The following SCARB1 variants were observed in gnomAD, a reference collection of about 807,000 sequenced individuals.
SCARB1 encodes the protein CD36 and LIMPII analogous 1.
A neutral mutation model predicts 57.2 loss-of-function variants in SCARB1; 30 were observed. The observed-to-expected ratio is 0.52, with a 90% CI of 0.39 to 0.71. The LOEUF (loss-of-function observed/expected upper bound fraction) is 0.71, where lower values mean the gene tolerates loss of function less well. Ranked by LOEUF, SCARB1 falls within the 30% of genes least tolerant of loss-of-function variation. The pLI, the probability that SCARB1 is intolerant of heterozygous loss-of-function variation, is 0.00. For missense variants in SCARB1, 543 were observed against 671.2 expected, an observed-to-expected ratio of 0.81 and a Z score of 2.11; for synonymous variants, 249 against 268.3, an observed-to-expected ratio of 0.93 and a Z score of 0.70.
At position 124,785,724 on chromosome 12, in the gene SCARB1, T is replaced by C. The variant is rs530728826; in HGVS notation, c.1401+633A>G. 71 of 271,758 alleles carry C rather than the reference T, an allele frequency of 2.6e-4. 1 individual carries two copies. Among genetic ancestry groups the C allele is most frequent in the Admixed American group, 2.6e-3 (53 of 20,348 alleles). 16.8% of individuals were successfully genotyped at this position (271,758 alleles called of 1,614,324 possible). ...GCAAAAATATTGATGCCGTTTATAC[T>C]GATTACATGTTGAAGTGATAATACT... On this transcript the variant is annotated intron_variant, in intron 11 of 12. Transcript: ENST00000261693.
chr12:124,835,262 A>AT (rs35607122), intron 1 of SCARB1, among the ~76,000 whole-genome samples: 7,119 of 148,290 alleles, frequency 0.048, 565 homozygotes, highest in African/African-American at 0.16. Flanking sequence ...GTATGTTTGA[A>AT]TTTTTTTTTT....
At chr12:124,858,478 G>C (rs939011327) in intron 1 of SCARB1, among the ~76,000 whole-genome samples, 1 of 152,086 alleles carries the variant, frequency 6.6e-6, no homozygotes, top group African/African-American at 2.4e-5. Context: ...AAGCAACCTC[G>C]ACCACAGGGC....
At chr12:124,821,998 T>C (rs568144097) in intron 1 of SCARB1, among the ~76,000 whole-genome samples, 4 of 152,178 alleles carry the variant, frequency 2.6e-5, no homozygotes, top group African/African-American at 9.6e-5. Flanking sequence ...AGAGTTGGGA[T>C]AGAATGCCAA....
chr12:124,840,671 C>G (rs1286690619), intron 1 of SCARB1, among the ~76,000 whole-genome samples: 2 of 152,166 alleles, frequency 1.3e-5, no homozygotes, highest in African/African-American at 4.8e-5. Flanking sequence ...CCTTGAGGAA[C>G]CACCCTTGAT....
Position 124,810,403 on chromosome 12 carries a change from A to C in SCARB1, c.727-114T>G, listed in dbSNP as rs1950480068. ...GTGCACGCACGGCCACTCAATTCCC[A>C]ATACTGGCACGGTGGGAAGAGGGCA... is the stretch of plus-strand genomic sequence containing the variant. On this transcript the variant is annotated intron_variant, in intron 5 of 12. Transcript: ENST00000261693. The surrounding 1 kb of genome is among the most constrained non-coding windows in gnomAD (Gnocchi z 4.0). 9.4e-6 allele frequency: 7 copies of C among 744,908 alleles called. No homozygotes were observed. Among genetic ancestry groups the C allele is most frequent in the South Asian group, 7.3e-5 (5 of 68,552 alleles). 46.1% of individuals were successfully genotyped at this position (744,908 alleles called of 1,614,324 possible).
chr12:124,835,319 TG>T (rs1248699775), intron 1 of SCARB1, among the ~76,000 whole-genome samples: 2 of 152,090 alleles, frequency 1.3e-5, no homozygotes, highest in East Asian at 3.9e-4. Flanking sequence ...AGTGCACTGG[TG>T]CAGTCCGAGC....
At chr12:124,852,984 A>G (rs558198478) in intron 1 of SCARB1, among the ~76,000 whole-genome samples, 2 of 152,180 alleles carry the variant, frequency 1.3e-5, no homozygotes, top group African/African-American at 4.8e-5. Flanking sequence ...GGTTGCAGTG[A>G]GCCGAGATGG....
Position 124,812,454 on chromosome 12 carries a change from C to T in SCARB1, c.631-489G>A, listed in dbSNP as rs114942262. ...GATCCCCAAGTGACCACCACAAGCG[C>T]GGGTGCCCCAGTCACCCACACTGGA... On this transcript the variant is annotated intron_variant, in intron 4 of 12. Coordinates refer to ENST00000261693, the MANE Select transcript of SCARB1 (RefSeq NM_005505.5). The surrounding 1 kb of genome is among the most constrained non-coding windows in gnomAD (Gnocchi z 4.3). 4.0e-3 allele frequency among the ~76,000 whole-genome samples: 613 copies of T among 152,316 alleles called. 4 individuals are homozygous for T. Among genetic ancestry groups the T allele is most frequent in the African/African-American group, 0.014 (583 of 41,554 alleles).
intron 1 of SCARB1, among the ~76,000 whole-genome samples, chr12:124,846,069 A>G (rs1046062691): frequency 6.6e-6 from 1 of 152,210 alleles, no homozygotes; most frequent in African/African-American, 2.4e-5. Context: ...CTGTAGAGAC[A>G]GAAAGAAAAT....
rs901615227 is a variant in SCARB1 at position 124,810,602 on chromosome 12, C to T, written c.727-313G>A. On this transcript the variant is annotated intron_variant, in intron 5 of 12. Transcript: ENST00000261693. This position sits in a 1 kb window ranked among gnomAD's most constrained non-coding sequence, Gnocchi z 4.0. ...TGAGCAGGTGAGGTGAGAGGTGGGG[C>T]GCGGCTGTGCTCAGCCCTCAGAGCG... Among the ~76,000 whole-genome samples the T allele has an allele frequency of 2.6e-5, 4 of 152,176 alleles. No individual in the cohort carries two copies. The highest frequency in any genetic ancestry group is 3.9e-4 in the East Asian group (2 of 5,180).
At position 124,854,911 on chromosome 12, in the gene SCARB1, G is replaced by C. The variant is rs572715677; in HGVS notation, c.126+8684C>G. ...TTCAGGGGAAAGGTCTGGGCCCAGG[G>C]ATACCAATTTGGGAGTGGTCAGGAC... On this transcript the variant is annotated intron_variant, in intron 1 of 12. Coordinates refer to ENST00000261693, the MANE Select transcript of SCARB1 (RefSeq NM_005505.5). 1.9e-4 allele frequency among the ~76,000 whole-genome samples: 29 copies of C among 152,126 alleles called. 1 individual carries two copies. Among genetic ancestry groups the C allele is most frequent in the Non-Finnish European group, 4.0e-4 (27 of 68,034 alleles).
chr12:124,831,669 C>T (rs1327816917), intron 1 of SCARB1, among the ~76,000 whole-genome samples: 1 of 152,164 alleles, frequency 6.6e-6, no homozygotes, highest in Non-Finnish European at 1.5e-5. Context: ...GTCCCCTCAA[C>T]CCCCTGCCCA....
intron 9 of SCARB1, among the ~76,000 whole-genome samples, chr12:124,790,917 T>C (rs149314304): frequency 6.6e-6 from 1 of 152,316 alleles, no homozygotes; most frequent in East Asian, 1.9e-4. Flanking sequence ...AGGCCTCCCA[T>C]TGCTCCCTAA....
intron 1 of SCARB1, among the ~76,000 whole-genome samples, chr12:124,832,419 C>A (rs1951437105): frequency 6.6e-6 from 1 of 151,736 alleles, no homozygotes. Flanking sequence ...ACTTGGGAGG[C>A]TGAGGAAGGA....
intron 1 of SCARB1, among the ~76,000 whole-genome samples, chr12:124,856,835 T>C (rs970881921): frequency 6.6e-6 from 1 of 152,174 alleles, no homozygotes; most frequent in Non-Finnish European, 1.5e-5. Context: ...CTGGGAGCCC[T>C]GGGCTAGGAA....
chr12:124,863,644 G>C lies in SCARB1; in HGVS notation c.77C>G (p.Ala26Gly), dbSNP rs1952995669. 1 of 1,597,300 alleles carries C rather than the reference G, an allele frequency of 6.3e-7. No homozygotes were observed. Among genetic ancestry groups the C allele is most frequent in the Non-Finnish European group, 8.5e-7 (1 of 1,172,358 alleles). ...VAGLLCAVLG[A>G]VMIVMVPSLI... The stretch of plus-strand genomic sequence containing the variant: ...CGACGGCACCATCACGATCATGACA[G>C]CGCCCAGCACAGCGCACAGTAGCCC... The change falls in exon 1 of 13, where the codon GCT (alanine) becomes GGT (glycine). Residue 26 changes from alanine (A) to glycine (G), a missense_variant. Coordinates refer to ENST00000261693, the MANE Select transcript of SCARB1 (RefSeq NM_005505.5).
chr12:124,786,130 C>A (rs1266513409), intron 11 of SCARB1: 1 of 1,538,716 alleles, frequency 6.5e-7, no homozygotes, highest in African/African-American at 1.4e-5. Context: ...AAGGGAGGGT[C>A]CCAGGCCTTC....
chr12:124,816,804 T>G (rs746234330), intron 2 of SCARB1, among the ~76,000 whole-genome samples: 1 of 151,944 alleles, frequency 6.6e-6, no homozygotes, highest in Non-Finnish European at 1.5e-5. Flanking sequence ...GGCTCTTGTG[T>G]CTCTCCAGTC....
In SCARB1 at chr12:124,778,204, G is replaced by T; in HGVS notation, c.*383C>A. ...GGGACTGCAGTGTTTCACCTTGGAGGGGAGGAAGCCTGGGCCCAACGGCTG... is the reference window on the plus strand; with the variant it reads ...GGGACTGCAGTGTTTCACCTTGGAGTGGAGGAAGCCTGGGCCCAACGGCTG... On this transcript the variant is annotated 3_prime_UTR_variant, in exon 13 of 13. Coordinates refer to ENST00000261693, the MANE Select transcript of SCARB1 (RefSeq NM_005505.5). 2.7e-6 allele frequency: 1 copy of T among 364,284 alleles called. No individual in the cohort carries two copies. Among genetic ancestry groups the T allele is most frequent in the East Asian group, 4.1e-5 (1 of 24,194 alleles). 22.6% of individuals were successfully genotyped at this position (364,284 alleles called of 1,614,324 possible).
Sources: allele counts gnomAD v4.1 joint callset (sites outside exome capture counted in the v4.1 genomes callset), GRCh38; gene constraint gnomAD v4.1.1; non-coding constraint Gnocchi (gnomAD v3.1); transcripts MANE v1.5; gene names NCBI Gene and HGNC (gene_info 2026-07-23, HGNC 2026-07-21).